The following HCRTR2 variants were observed in gnomAD, a reference collection of about 807,000 sequenced individuals.
The protein encoded by HCRTR2 is hypocretin receptor 2, also known as orexin receptor type 2.
A neutral mutation model predicts 49.0 loss-of-function variants in HCRTR2; 22 were observed. The observed-to-expected ratio is 0.45, with a 90% CI of 0.32 to 0.64. HCRTR2 has a LOEUF of 0.64. Among genes scored for constraint, HCRTR2 ranks in the 30% least tolerant of loss-of-function variants. The pLI is 0.04. For missense variants in HCRTR2, 491 were observed against 559.4 expected (o/e 0.88, Z 1.23); for synonymous variants, 236 against 205.3 (o/e 1.15, Z -1.28).
intron 1 of HCRTR2, among the ~76,000 whole-genome samples, chr6:55,199,124 T>C (rs1765466999): frequency 6.6e-6 from 1 of 152,136 alleles, no homozygotes; most frequent in South Asian, 2.1e-4. Context: ...AGAATTAGGT[T>C]ACTGTTAATG....
chr6:55,180,782 A>T (rs1040321200), intron 1 of HCRTR2, among the ~76,000 whole-genome samples: 1 of 151,962 alleles, frequency 6.6e-6, no homozygotes, highest in African/African-American at 2.4e-5. Context: ...TATTGATTTT[A>T]TTAAATAGAT....
chr6:55,278,727 A>AATTATT (rs201178077), intron 5 of HCRTR2, among the ~76,000 whole-genome samples: 4,021 of 144,640 alleles, frequency 0.028, 108 homozygotes, highest in African/African-American at 0.074. Context: ...GCTTCTTATT[A>AATTATT]ATTATTATTA....
intron 4 of HCRTR2, among the ~76,000 whole-genome samples, chr6:55,268,313 T>C (rs1766900522): frequency 6.6e-6 from 1 of 151,922 alleles, no homozygotes; most frequent in Non-Finnish European, 1.5e-5. Flanking sequence ...TATATATAAG[T>C]CACAAATAGT....
At chr6:55,207,054 A>G (rs1765614562) in intron 1 of HCRTR2, among the ~76,000 whole-genome samples, 1 of 152,128 alleles carries the variant, frequency 6.6e-6, no homozygotes. Flanking sequence ...ATAGAAAATA[A>G]CTTTCAAAAT....
intron 1 of HCRTR2, among the ~76,000 whole-genome samples, chr6:55,182,216 T>G (rs568981121): frequency 1.4e-4 from 22 of 152,332 alleles, no homozygotes; most frequent in Admixed American, 4.6e-4. Context: ...CCAATATGGC[T>G]TCCAATGACC....
intron 2 of HCRTR2, among the ~76,000 whole-genome samples, chr6:55,251,471 C>T (rs536014461): frequency 6.6e-6 from 1 of 152,080 alleles, no homozygotes; most frequent in East Asian, 1.9e-4. Flanking sequence ...TCATGTATTT[C>T]ACTTCTCTTC....
intron 1 of HCRTR2, among the ~76,000 whole-genome samples, chr6:55,146,579 TAA>T (rs10684393): frequency 7.0e-6 from 1 of 142,350 alleles, no homozygotes. Flanking sequence ...AAAGGTTAGT[TAA>T]AAAAAAAAAA....
At chr6:55,139,171 A>C (rs1764474603) in intron 1 of HCRTR2, among the ~76,000 whole-genome samples, 1 of 152,194 alleles carries the variant, frequency 6.6e-6, no homozygotes, top group Non-Finnish European at 1.5e-5. Context: ...AGGGTTCCAA[A>C]CATAGGTCCT....
intron 1 of HCRTR2, among the ~76,000 whole-genome samples, chr6:55,194,769 T>A (rs1309142664): frequency 6.6e-6 from 1 of 152,158 alleles, no homozygotes; most frequent in Non-Finnish European, 1.5e-5. Flanking sequence ...TTCAGTAGGC[T>A]GGAAGTATGA....
At position 55,136,391 on chromosome 6, in the gene HCRTR2, T is replaced by C. The variant is rs138742390; in HGVS notation, c.-378+29846T>C. On this transcript the variant is annotated intron_variant, in intron 1 of 7. Coordinates refer to the HCRTR2 transcript ENST00000615358. ...TGGCATCCTGTTCACATACACACTCTAACTTTGGTCTTTTTATTTACTTTG... is the reference window on the plus strand; with the variant it reads ...TGGCATCCTGTTCACATACACACTCCAACTTTGGTCTTTTTATTTACTTTG... Among the ~76,000 whole-genome samples the C allele has an allele frequency of 6.3e-3, 965 of 152,314 alleles. 11 individuals are homozygous for C. Among genetic ancestry groups the C allele is most frequent in the African/African-American group, 0.021 (876 of 41,570 alleles).
At chr6:55,158,120 T>A (rs1367675088) in intron 1 of HCRTR2, among the ~76,000 whole-genome samples, 1 of 152,092 alleles carries the variant, frequency 6.6e-6, no homozygotes, top group East Asian at 1.9e-4. Context: ...CTCCTCTCAT[T>A]GGGACTGGTT....
chr6:55,125,949 T>C (rs1198941076), intron 1 of HCRTR2, among the ~76,000 whole-genome samples: 1 of 152,202 alleles, frequency 6.6e-6, no homozygotes, highest in South Asian at 2.1e-4. Flanking sequence ...TCTCGTGCTA[T>C]GTTTTTCAGC....
chr6:55,175,353 G>C (rs1378425597), intron 1 of HCRTR2, among the ~76,000 whole-genome samples: 1 of 152,168 alleles, frequency 6.6e-6, no homozygotes, highest in Non-Finnish European at 1.5e-5. Context: ...AACCAGCAGG[G>C]AGTGGAGACG....
intron 1 of HCRTR2, among the ~76,000 whole-genome samples, chr6:55,159,742 T>C (rs1581800030): frequency 1.3e-5 from 2 of 151,914 alleles, no homozygotes; most frequent in East Asian, 1.9e-4. Context: ...ATATCAGAGA[T>C]TGAAGATCAA....
At chr6:55,274,230 T>C (rs1403827035) in intron 4 of HCRTR2, among the ~76,000 whole-genome samples, 1 of 69,034 alleles carries the variant, frequency 1.4e-5, no homozygotes, top group African/African-American at 4.5e-5. Flanking sequence ...CAATGTTTCA[T>C]CATTTTCAGT....
intron 1 of HCRTR2, among the ~76,000 whole-genome samples, chr6:55,125,168 G>T (rs1018778665): frequency 2.0e-5 from 3 of 152,216 alleles, no homozygotes; most frequent in Middle Eastern, 3.4e-3. Context: ...ATGCTAGCTG[G>T]TTGTTTTACC....
chr6:55,209,176 A>G (rs1765655195), intron 1 of HCRTR2, among the ~76,000 whole-genome samples: 2 of 152,338 alleles, frequency 1.3e-5, no homozygotes, highest in African/African-American at 4.8e-5. Flanking sequence ...GGCATGCTTC[A>G]GGAGACATGA....
intron 1 of HCRTR2, among the ~76,000 whole-genome samples, chr6:55,183,568 G>A (rs1257913032): frequency 6.6e-6 from 1 of 152,126 alleles, no homozygotes; most frequent in Non-Finnish European, 1.5e-5. Context: ...TTAAATTAGA[G>A]TACCATCATT....
At chr6:55,150,039 C>T (rs939064016) in intron 1 of HCRTR2, among the ~76,000 whole-genome samples, 4 of 151,918 alleles carry the variant, frequency 2.6e-5, no homozygotes, top group African/African-American at 9.7e-5. Flanking sequence ...CATGATGTCA[C>T]CTTCAGGTCA....
Sources: allele counts gnomAD v4.1 joint callset (sites outside exome capture counted in the v4.1 genomes callset), GRCh38; gene constraint gnomAD v4.1.1; transcripts MANE v1.5; gene names NCBI Gene and HGNC (gene_info 2026-07-23, HGNC 2026-07-21).